CRAT: variants seen among roughly 807,000 people sequenced by gnomAD.
CRAT encodes the protein carnitine acetylase.
A neutral mutation model predicts 73.7 loss-of-function variants in CRAT; 66 were observed. The ratio of observed to expected loss-of-function variants is 0.90; its 90% CI spans 0.73 to 1.10. The LOEUF is 1.10. Ranked by LOEUF, CRAT falls within the 50% of genes least tolerant of loss-of-function variation. The pLI is 0.00. For synonymous variants in CRAT, 321 were observed against 343.2 expected (o/e 0.94, Z 0.71); for missense variants, 745 against 846.9 (o/e 0.88, Z 1.49).
intron 4 of CRAT, 33 bp from the exon 5 acceptor site, chr9:129,102,598 G>C: frequency 2.5e-6 from 4 of 1,610,572 alleles, no homozygotes; most frequent in Non-Finnish European, 3.4e-6. Context: ...GGCCACCACT[G>C]GGCAAGTGAA....
rs773715959 is a variant in CRAT at position 129,104,267 on chromosome 9, G to A, written c.331C>T (p.Arg111Cys). Reference protein sequence around the residue: ...WWLKTAYLQYRQPVVIYSSPG... With the variant: ...WWLKTAYLQYCQPVVIYSSPG... The stretch of plus-strand genomic sequence containing the variant: ...CTCGAGTAGATGACCACAGGCTGGC[G>A]GTACTGGAGGTAGGCGGTCTTGAGC... Residue 111 changes from arginine (R) to cysteine (C), a missense_variant, in exon 3 of 14, where the codon CGC (arginine) becomes TGC (cysteine). Coordinates refer to ENST00000318080, the MANE Select transcript of CRAT (RefSeq NM_000755.5). The A allele has an allele frequency of 2.1e-5, 34 of 1,613,324 alleles. No homozygotes were observed. Among genetic ancestry groups the A allele is most frequent in the East Asian group, 4.5e-5 (2 of 44,864 alleles).
chr9:129,109,845 T>G (rs1038809621), intron 1 of CRAT, among the ~76,000 whole-genome samples: 2 of 139,150 alleles, frequency 1.4e-5, no homozygotes, highest in African/African-American at 5.4e-5. Context: ...CGGGGAGGAC[T>G]GAGGGGTAGA....
chr9:129,103,204 G>A lies in CRAT; in HGVS notation c.411-138C>T. ...TTCCAGAAAGCCTGGGAGCGCAAGGGAGGGGCCTGCGAGTCCCAGCTTGCC... is the reference window on the plus strand; with the variant it reads ...TTCCAGAAAGCCTGGGAGCGCAAGGAAGGGGCCTGCGAGTCCCAGCTTGCC... On this transcript the variant is annotated intron_variant, in intron 3 of 13. Coordinates refer to ENST00000318080, the MANE Select transcript of CRAT (RefSeq NM_000755.5). The surrounding 1 kb of genome is among the most constrained non-coding windows in gnomAD (Gnocchi z 4.6). The A allele has an allele frequency of 1.3e-6, 1 of 763,920 alleles. No homozygotes were observed. The highest frequency in any genetic ancestry group is 1.7e-5 in the African/African-American group (1 of 58,434). 47.3% of individuals were successfully genotyped at this position (763,920 alleles called of 1,614,324 possible). A position where few individuals can be genotyped will look rare whatever the true frequency, so the allele number is the denominator to read the frequency against.
At position 129,100,639 on chromosome 9, in the gene CRAT, C is replaced by T. The variant is rs148136870; in HGVS notation, c.856G>A (p.Val286Met). The T allele has an allele frequency of 3.3e-5, 53 of 1,614,028 alleles. No individual in the cohort carries two copies. Among genetic ancestry groups the T allele is most frequent in the South Asian group, 9.9e-5 (9 of 91,078 alleles). ...VRSIQKSIFTVCLDATMPRVS... is the reference protein window; with the variant it reads ...VRSIQKSIFTMCLDATMPRVS... Reference sequence around the variant, plus strand: ...CTGGGCATGGTTGCATCTAGGCACACGGTGAAGATGCTCTTCTGGATGGAG... The same window carrying T: ...CTGGGCATGGTTGCATCTAGGCACATGGTGAAGATGCTCTTCTGGATGGAG... The change falls in exon 7 of 14, where the codon GTG becomes ATG. Residue 286 changes from valine (V) to methionine (M), a missense_variant. Transcript: ENST00000318080.
chr9:129,096,044 T>C lies in CRAT; in HGVS notation c.1619A>G (p.Asp540Gly). ...GTGCATGGCGATGGCGTAGGAGGTG[T>C]CCATGAAGATGTCGGGCATGCTCAC... ...DLVSMPDIFM[D>G]TSYAIAMHFH... is the part of the protein sequence containing the mutation. The change falls in exon 13 of 14, where the codon GAC becomes GGC. Residue 540 changes from aspartate (D) to glycine (G), a missense_variant. Physicochemically the swap from Asp to Gly is moderately conservative, Grantham distance 94 (BLOSUM62 -1). Transcript: ENST00000318080. 6.2e-7 allele frequency: 1 copy of C among 1,614,002 alleles called. No individual in the cohort carries two copies. Among genetic ancestry groups the C allele is most frequent in the Non-Finnish European group, 8.5e-7 (1 of 1,179,998 alleles).
chr9:129,096,867 G>C (rs1161778462), intron 12 of CRAT, among the ~76,000 whole-genome samples: 1 of 152,150 alleles, frequency 6.6e-6, no homozygotes, highest in Non-Finnish European at 1.5e-5. Context: ...TCAGGAGTTT[G>C]AGACCAGCCT....
In CRAT at chr9:129,101,941, G is replaced by A; in HGVS notation, c.747C>T (p.Gly249=). Residue 249 remains glycine, a synonymous_variant, in exon 6 of 14, where the codon GGC becomes GGT. Coordinates refer to ENST00000318080, the MANE Select transcript of CRAT (RefSeq NM_000755.5). The stretch of plus-strand genomic sequence containing the variant: ...AGTTGCGGTGGTTGGAGGTGAGGAT[G>A]CCCACAGGCTCCTTGTTGGTCTGTA... ...SSLQTNKEPV[G]ILTSNHRNSW... is the part of the protein sequence containing the mutation. 1 of 1,614,162 alleles carries A rather than the reference G, an allele frequency of 6.2e-7. No homozygotes were observed.
rs1848053624 is a variant in CRAT at position 129,106,926 on chromosome 9, C to CCTCTCTCCCATCCGGT, written c.291+872_291+887dup. Among the ~76,000 whole-genome samples, 1 of 152,198 alleles carries CCTCTCTCCCATCCGGT rather than the reference C, an allele frequency of 6.6e-6. No homozygotes were observed. Among genetic ancestry groups the CCTCTCTCCCATCCGGT allele is most frequent in the African/African-American group, 2.4e-5 (1 of 41,434 alleles). ...AACAGTCCTGGACCTAACGACTCTC[C>CCTCTCTCCCATCCGGT]CTCTCTCCCATCCGGTGTCAGACCC... is the stretch of plus-strand genomic sequence containing the variant. On this transcript the variant is annotated intron_variant, in intron 2 of 13. Coordinates refer to ENST00000318080, the MANE Select transcript of CRAT (RefSeq NM_000755.5). The surrounding 1 kb of genome is among the most constrained non-coding windows in gnomAD (Gnocchi z 4.0).
chr9:129,104,202 C>A lies in CRAT; in HGVS notation c.396G>T (p.Leu132=), dbSNP rs1451160613. The stretch of plus-strand genomic sequence containing the variant: ...CAGCCACTCACCGGAGCTGACCCTG[C>A]AGGTCCACGAAGTCCTGCTTGGGTA... ...VMLPKQDFVD[L]QGQLRFAAKL... is the part of the protein sequence containing the mutation. Residue 132 remains leucine, a synonymous_variant, in exon 3 of 14, where the codon CTG becomes CTT. Coordinates refer to ENST00000318080, the MANE Select transcript of CRAT (RefSeq NM_000755.5). 1 of 1,609,006 alleles carries A rather than the reference C, an allele frequency of 6.2e-7. No homozygotes were observed. The highest frequency in any genetic ancestry group is 1.3e-5 in the African/African-American group (1 of 74,892).
At chr9:129,105,940 C>T (rs965417671) in intron 2 of CRAT, among the ~76,000 whole-genome samples, 1 of 152,074 alleles carries the variant, frequency 6.6e-6, no homozygotes, top group Non-Finnish European at 1.5e-5. Flanking sequence ...GTGACTGTCA[C>T]CCTGTGTCCT....
chr9:129,097,067 CAAA>C (rs796548320), intron 12 of CRAT, among the ~76,000 whole-genome samples, 180 bp downstream of exon 12: 68 of 113,330 alleles, frequency 6.0e-4, no homozygotes, highest in African/African-American at 1.6e-3. Flanking sequence ...GACTCCATCT[CAAA>C]AAAAAAAAAA....
chr9:129,097,207 G>C lies in CRAT; in HGVS notation c.1527+43C>G, dbSNP rs376860359. The C allele has an allele frequency of 1.7e-5, 25 of 1,491,756 alleles. No individual in the cohort carries two copies. The African/African-American group carries it at 2.4e-4, about 14-fold the overall frequency. 92.4% of individuals were successfully genotyped at this position (1,491,756 alleles called of 1,614,324 possible). On this transcript the variant is annotated intron_variant, in intron 12 of 13. Transcript: ENST00000318080. ...CAGTCAGAGGGACAGACAGATGGCT[G>C]ACACTAAGGGACAAGTGAGTAGGCA...
chr9:129,110,693 GGGAA>G lies in CRAT; in HGVS notation c.-188_-185del. The G allele has an allele frequency of 1.3e-6, 1 of 777,580 alleles. No individual in the cohort carries two copies. The highest frequency in any genetic ancestry group is 1.9e-6 in the Non-Finnish European group (1 of 530,460). 48.2% of individuals were successfully genotyped at this position (777,580 alleles called of 1,614,324 possible). On this transcript the variant is annotated 5_prime_UTR_variant, in exon 1 of 14. Transcript: ENST00000318080. This position sits in a 1 kb window ranked among gnomAD's most constrained non-coding sequence, Gnocchi z 5.3. Reference sequence around the variant, plus strand: ...CCACCCTCTGGGCCGAGCGGGCTGCGGGAAGGCACCCGGGGAGGAGGACTCGCGA... The same window carrying G: ...CCACCCTCTGGGCCGAGCGGGCTGCGGGCACCCGGGGAGGAGGACTCGCGA...
rs772008698 is a variant in CRAT at position 129,109,181 on chromosome 9, G to A, written c.28-1104C>T. On this transcript the variant is annotated intron_variant, in intron 1 of 13. Coordinates refer to ENST00000318080, the MANE Select transcript of CRAT (RefSeq NM_000755.5). ...ACAAAAGGTAATAAAAAATCCACCTGTCAGAATCTGCGAAGATCGTTTTGA... is the reference window on the plus strand; with the variant it reads ...ACAAAAGGTAATAAAAAATCCACCTATCAGAATCTGCGAAGATCGTTTTGA... 8.4e-6 allele frequency: 11 copies of A among 1,304,088 alleles called. No homozygotes were observed. The South Asian group carries it at 8.6e-5, about 10-fold the overall frequency. 80.8% of individuals were successfully genotyped at this position (1,304,088 alleles called of 1,614,324 possible). A position where few individuals can be genotyped will look rare whatever the true frequency, so the allele number is the denominator to read the frequency against.
chr9:129,095,463 A>G lies in CRAT; in HGVS notation c.1815T>C (p.His605=). ...TGTCCAGGAGCGCCTTCTCCAGGTA[A>G]TGCGCCAGGCGGGCGGCGTTGGTCT... The part of the protein sequence containing the change: ...CAETNAARLA[H]YLEKALLDMR... The change falls in exon 14 of 14, where the codon CAT becomes CAC. Residue 605 remains histidine, a synonymous_variant. Transcript: ENST00000318080. 2 of 1,613,422 alleles carry G rather than the reference A, an allele frequency of 1.2e-6. No homozygotes were observed. The highest frequency in any genetic ancestry group is 1.7e-6 in the Non-Finnish European group (2 of 1,179,996).
intron 1 of CRAT, chr9:129,109,215 A>T (rs1355556192): frequency 7.7e-7 from 1 of 1,304,172 alleles, no homozygotes; most frequent in Non-Finnish European, 1.0e-6. Context: ...GATGAGGGAA[A>T]ACTTGGCTGG....
chr9:129,101,269 A>G (rs1455109551), intron 6 of CRAT, among the ~76,000 whole-genome samples: 1 of 152,224 alleles, frequency 6.6e-6, no homozygotes, highest in Admixed American at 6.5e-5. Context: ...GGGGCCCAGC[A>G]TGCCGGGGGA....
chr9:129,106,192 A>G lies in CRAT; in HGVS notation c.291+1622T>C, dbSNP rs1848004608. ...GCAACTTGTCCCCAAGTTGTACAAC[A>G]GGTGACTGGTAGCCCCTAAGAACTG... On this transcript the variant is annotated intron_variant, in intron 2 of 13. Transcript: ENST00000318080. This position sits in a 1 kb window ranked among gnomAD's most constrained non-coding sequence, Gnocchi z 4.0. Among the ~76,000 whole-genome samples, 1 of 152,166 alleles carries G rather than the reference A, an allele frequency of 6.6e-6. No individual in the cohort carries two copies. The highest frequency in any genetic ancestry group is 6.5e-5 in the Admixed American group (1 of 15,286).
intron 13 of CRAT, 119 bp from the exon 14 acceptor site, chr9:129,095,731 C>A: frequency 3.7e-6 from 4 of 1,081,210 alleles, no homozygotes; most frequent in Non-Finnish European, 5.3e-6. Context: ...CATGGTCTGT[C>A]CCCTGCTATA....
Sources: gnomAD v4.1 joint callset for allele counts (sites outside exome capture counted in the v4.1 genomes callset) on GRCh38, gnomAD v4.1.1 for gene constraint, Gnocchi (gnomAD v3.1) non-coding constraint, MANE v1.5 for transcripts, NCBI Gene and HGNC (gene_info 2026-07-23, HGNC 2026-07-21) for gene names.